Variants in TFDP1 observed in about 807,000 individuals in gnomAD.
TFDP1 encodes the protein transcription factor Dp-1.
In TFDP1, 6 loss-of-function variants were observed where a neutral mutation model predicts 48.0. That is an observed-to-expected ratio of 0.13 (90% CI 0.07 to 0.25). The LOEUF is 0.25. Among genes scored for constraint, TFDP1 ranks in the 10% least tolerant of loss-of-function variants. The pLI is 1.00. For synonymous variants in TFDP1, 201 were observed against 211.6 expected (o/e 0.95, Z 0.44); for missense variants, 335 against 543.0 (o/e 0.62, Z 3.81).
chr13:113,632,039 T>G (rs1337889727), intron 5 of TFDP1: 1 of 406,408 alleles, frequency 2.5e-6, no homozygotes, highest in African/African-American at 2.0e-5. Flanking sequence ...GAAGCTGGCC[T>G]CGTACTCGCC....
chr13:113,623,636 C>T lies in TFDP1; in HGVS notation c.186+350C>T, dbSNP rs778290908. ...CTCTTCATCTAACAGGGGCTTCTTA[C>T]GTGATGTGGCCGAGCGTTGGCTGTG... On this transcript the variant is annotated intron_variant, in intron 4 of 11. Transcript: ENST00000375370. This position sits in a 1 kb window ranked among gnomAD's most constrained non-coding sequence, Gnocchi z 5.2. Among the ~76,000 whole-genome samples, 9 of 152,202 alleles carry T rather than the reference C, an allele frequency of 5.9e-5. No homozygotes were observed. Among genetic ancestry groups the T allele is most frequent in the Non-Finnish European group, 1.3e-4 (9 of 68,028 alleles).
chr13:113,636,093 G>A lies in TFDP1; in HGVS notation c.804G>A (p.Lys268=), dbSNP rs1167362463. 1 of 1,614,240 alleles carries A rather than the reference G, an allele frequency of 6.2e-7. No homozygotes were observed. Among genetic ancestry groups the A allele is most frequent in the Non-Finnish European group, 8.5e-7 (1 of 1,180,046 alleles). The change falls in exon 9 of 12, where the codon AAG becomes AAA. Residue 268 remains lysine, a synonymous_variant. Coordinates refer to ENST00000375370, the MANE Select transcript of TFDP1 (RefSeq NM_007111.5). ...CCTTCATCATCGTCAACACCAGCAA[G>A]AAGACGGTCATCGACTGCAGCATCT... ...HLPFIIVNTS[K]KTVIDCSISN...
intron 11 of TFDP1, among the ~76,000 whole-genome samples, chr13:113,639,141 G>A (rs559548850): frequency 6.6e-6 from 1 of 152,360 alleles, no homozygotes; most frequent in Admixed American, 6.5e-5. Flanking sequence ...TTGGTGACAA[G>A]CTTTTGACAG....
chr13:113,619,249 G>A (rs1441522761), intron 3 of TFDP1, among the ~76,000 whole-genome samples: 1 of 152,192 alleles, frequency 6.6e-6, no homozygotes, highest in Non-Finnish European at 1.5e-5. Context: ...GAGGCAGGCG[G>A]ATCACCAGAG....
chr13:113,634,733 G>A (rs759008858), intron 8 of TFDP1, 131 bp downstream of exon 8: 7 of 699,260 alleles, frequency 1.0e-5, no homozygotes, highest in Non-Finnish European at 1.7e-5. Context: ...TTCTGAGTGT[G>A]AGTTCATCTC....
chr13:113,630,256 T>C (rs1232078848), intron 4 of TFDP1, among the ~76,000 whole-genome samples: 1 of 152,224 alleles, frequency 6.6e-6, no homozygotes, highest in Admixed American at 6.5e-5. Context: ...TGGCTTCATT[T>C]TGCAGAAAAT....
At chr13:113,638,173 C>T (rs1457098192) in intron 11 of TFDP1, among the ~76,000 whole-genome samples, 3 of 152,234 alleles carry the variant, frequency 2.0e-5, no homozygotes, top group Non-Finnish European at 4.4e-5. Context: ...CACCCAAATC[C>T]TCCTGTCCCC....
chr13:113,596,238 A>G (rs1323644797), intron 2 of TFDP1, among the ~76,000 whole-genome samples: 1 of 152,254 alleles, frequency 6.6e-6, no homozygotes, highest in Non-Finnish European at 1.5e-5. Context: ...GGGAAGCAGG[A>G]TGAAGAGGGA....
chr13:113,626,483 G>T (rs986525187), intron 4 of TFDP1, among the ~76,000 whole-genome samples: 1 of 151,942 alleles, frequency 6.6e-6, no homozygotes, highest in Non-Finnish European at 1.5e-5. Context: ...CCTTCCCCGC[G>T]CTCCCTTCCC....
chr13:113,606,635 C>T (rs1336936416), intron 2 of TFDP1, among the ~76,000 whole-genome samples: 2 of 152,170 alleles, frequency 1.3e-5, no homozygotes, highest in Admixed American at 6.5e-5. Context: ...CTCCCGCTCA[C>T]GTCTCCCCAG....
intron 3 of TFDP1, among the ~76,000 whole-genome samples, chr13:113,619,547 GC>G (rs2048947361): frequency 6.6e-6 from 1 of 151,690 alleles, no homozygotes; most frequent in African/African-American, 2.4e-5. Context: ...CACTGCCACT[GC>G]CCTTTCCAGC....
In TFDP1 at chr13:113,633,326, C is replaced by T. The variant is rs2049386927; in HGVS notation, c.474+41C>T. ...GGGCCGAGAGGCTGGGGTGGCGGAG[C>T]CCAGCGGTGTGGTACGTTTCGCTCT... On this transcript the variant is annotated intron_variant, in intron 6 of 11. Coordinates refer to ENST00000375370, the MANE Select transcript of TFDP1 (RefSeq NM_007111.5). This position sits in a 1 kb window ranked among gnomAD's most constrained non-coding sequence, Gnocchi z 4.5. 1.3e-6 allele frequency: 2 copies of T among 1,562,564 alleles called. No individual in the cohort carries two copies. The highest frequency in any genetic ancestry group is 1.8e-6 in the Non-Finnish European group (2 of 1,138,448).
At chr13:113,637,796 C>A (rs1240301082) in intron 10 of TFDP1, 22 bp from the exon 11 acceptor site, 1 of 1,614,258 alleles carries the variant, frequency 6.2e-7, no homozygotes, top group Non-Finnish European at 8.5e-7. Flanking sequence ...TGACCATTCG[C>A]TTATTTTCTT....
At chr13:113,629,537 G>A (rs1374183254) in intron 4 of TFDP1, among the ~76,000 whole-genome samples, 1 of 152,172 alleles carries the variant, frequency 6.6e-6, no homozygotes, top group Admixed American at 6.5e-5. Flanking sequence ...TTCATTTTGA[G>A]TGTGGTATTC....
chr13:113,629,530 AT>A (rs373519580), intron 4 of TFDP1, among the ~76,000 whole-genome samples: 10 of 151,980 alleles, frequency 6.6e-5, no homozygotes, highest in African/African-American at 1.9e-4. Flanking sequence ...CCTATTTTTC[AT>A]TTTGAGTGTG....
At chr13:113,638,812 T>G (rs762595030) in intron 11 of TFDP1, among the ~76,000 whole-genome samples, 6 of 152,248 alleles carry the variant, frequency 3.9e-5, no homozygotes, top group Non-Finnish European at 8.8e-5. Context: ...ACTTTTATAT[T>G]GCATTGTGAT....
intron 5 of TFDP1, among the ~76,000 whole-genome samples, chr13:113,632,637 A>T (rs960441910): frequency 3.9e-5 from 6 of 152,080 alleles, no homozygotes; most frequent in Admixed American, 1.3e-4. Flanking sequence ...AATTAGCCAG[A>T]TGTGGTGGCA....
At chr13:113,616,952 CCA>C (rs2048874291) in intron 3 of TFDP1, among the ~76,000 whole-genome samples, 1 of 152,130 alleles carries the variant, frequency 6.6e-6, no homozygotes, top group African/African-American at 2.4e-5. Context: ...TGTTTTTAGC[CCA>C]GTCATGACAT....
intron 4 of TFDP1, among the ~76,000 whole-genome samples, chr13:113,626,152 A>C (rs796423803): frequency 1.3e-5 from 2 of 151,214 alleles, no homozygotes; most frequent in Admixed American, 6.6e-5. Context: ...GGTGTCTCTC[A>C]GGTGTCCCCA....
Sources: gnomAD v4.1 joint callset for allele counts (sites outside exome capture counted in the v4.1 genomes callset) on GRCh38, gnomAD v4.1.1 for gene constraint, Gnocchi (gnomAD v3.1) non-coding constraint, MANE v1.5 for transcripts, NCBI Gene and HGNC (gene_info 2026-07-23, HGNC 2026-07-21) for gene names.